The following RNF14 variants were observed in gnomAD, a reference collection of about 807,000 sequenced individuals.
RNF14 encodes the protein E3 ubiquitin-protein ligase RNF14.
In RNF14, 26 loss-of-function variants were observed where a neutral mutation model predicts 52.6. The observed-to-expected ratio is 0.49, with a 90% CI of 0.36 to 0.69. The LOEUF is 0.69. Among genes scored for constraint, RNF14 ranks in the 30% least tolerant of loss-of-function variants. The pLI is 0.00. For missense variants in RNF14, 404 were observed against 560.4 expected (o/e 0.72, Z 2.82); for synonymous variants, 194 against 202.0 (o/e 0.96, Z 0.34).
upstream of RNF14, chr5:141,955,070 G>A: frequency 2.5e-6 from 4 of 1,614,248 alleles, no homozygotes; most frequent in Non-Finnish European, 3.4e-6. The surrounding 1 kb of genome is among the most constrained non-coding windows in gnomAD (Gnocchi z 5.5). Context: ...ATCTGACGGG[G>A]CCCTGATTCT....
chr5:141,969,604 C>A (rs1036481239), intron 1 of RNF14: 4 of 152,288 alleles, frequency 2.6e-5, no homozygotes, highest in African/African-American at 9.6e-5. Context: ...TGGGGGTTAG[C>A]AACCTGAATT....
At chr5:141,961,569 T>C (rs1753275737) in intron 1 of RNF14, among the ~76,000 whole-genome samples, 1 of 151,858 alleles carries the variant, frequency 6.6e-6, no homozygotes, top group Non-Finnish European at 1.5e-5. Context: ...TTTGAAGGAG[T>C]GGAGGTACTC....
rs748557080 is a variant in RNF14 at position 141,978,530 on chromosome 5, C to T, written c.534C>T (p.Asp178=). The change falls in exon 5 of 9, where the codon GAC becomes GAT. Residue 178 remains aspartate, a synonymous_variant. Coordinates refer to ENST00000394520, the MANE Select transcript of RNF14 (RefSeq NM_004290.5). ...GAGGAGCTGCTGGATCTGATGTAGA[C>T]CAAGAGGAAATTGTGGATGAGAGAG... ...DFGGAAGSDV[D]QEEIVDERAV... The T allele has an allele frequency of 9.3e-6, 15 of 1,614,002 alleles. No individual in the cohort carries two copies. The highest frequency in any genetic ancestry group is 4.0e-5 in the African/African-American group (3 of 74,914).
chr5:141,955,751 G>A, upstream of RNF14: 1 of 1,614,022 alleles, frequency 6.2e-7, no homozygotes, highest in Non-Finnish European at 8.5e-7. This position sits in a 1 kb window ranked among gnomAD's most constrained non-coding sequence, Gnocchi z 5.5. Context: ...TCCCTCAGGT[G>A]GTCCACACTG....
chr5:141,957,394 C>T (rs777173373), upstream of RNF14: 46 of 1,613,620 alleles, frequency 2.9e-5, no homozygotes, highest in Middle Eastern at 1.7e-4. The surrounding 1 kb of genome is among the most constrained non-coding windows in gnomAD (Gnocchi z 4.3). Flanking sequence ...CAGGGGGATC[C>T]GGGTTCGCAG....
intron 4 of RNF14, among the ~76,000 whole-genome samples, chr5:141,976,778 T>C (rs376450540): frequency 4.2e-4 from 1 of 2,364 alleles, no homozygotes; most frequent in Non-Finnish European, 6.6e-4. Flanking sequence ...TTCTCTCTCT[T>C]TTTTTTTTTT....
intron 6 of RNF14, among the ~76,000 whole-genome samples, chr5:141,981,322 T>C (rs1255645482): frequency 6.6e-6 from 1 of 152,170 alleles, no homozygotes; most frequent in Non-Finnish European, 1.5e-5. Flanking sequence ...TTTCTAATAA[T>C]TGATTGTTAG....
intron 8 of RNF14, among the ~76,000 whole-genome samples, chr5:141,985,866 T>C (rs1237700571): frequency 1.3e-5 from 2 of 152,246 alleles, no homozygotes; most frequent in African/African-American, 2.4e-5. Context: ...CATTCACTTT[T>C]TGAAGAGTCC....
chr5:141,949,955 G>T, the RNF14 span, among the ~76,000 whole-genome samples: 1 of 152,200 alleles, frequency 6.6e-6, no homozygotes, highest in South Asian at 2.1e-4. Context: ...CACACAGGAG[G>T]AGTTTAGTAA....
At chr5:141,971,435 TGTTGCC>T (rs2126972845) in intron 2 of RNF14, among the ~76,000 whole-genome samples, 1 of 152,296 alleles carries the variant, frequency 6.6e-6, no homozygotes, top group East Asian at 1.9e-4. Context: ...GATCTTGCTA[TGTTGCC>T]AAGGCTGATC....
chr5:141,952,754 TCTC>T, the RNF14 span: 3 of 152,266 alleles, frequency 2.0e-5, no homozygotes, highest in Non-Finnish European at 4.4e-5. Flanking sequence ...CACGCCTTCT[TCTC>T]AGTGTTGTCA....
At chr5:141,964,783 T>C, upstream of RNF14, among the ~76,000 whole-genome samples, 1 of 11,408 alleles carries the variant, frequency 8.8e-5, no homozygotes, top group Non-Finnish European at 2.9e-4. Context: ...CCGGCTAATT[T>C]TTTTTTTTTT....
At chr5:141,955,240 G>T, upstream of RNF14, 1 of 1,614,256 alleles carries the variant, frequency 6.2e-7, no homozygotes, top group Non-Finnish European at 8.5e-7. This position sits in a 1 kb window ranked among gnomAD's most constrained non-coding sequence, Gnocchi z 5.5. Flanking sequence ...CTGGCCTGTG[G>T]CAGGCTGGGG....
At chr5:141,965,978 TA>T (rs545449787), upstream of RNF14, among the ~76,000 whole-genome samples, 919 of 126,802 alleles carry the variant, frequency 7.2e-3, 1 homozygote, top group South Asian at 0.014. Context: ...ACTTAAAAGT[TA>T]AAAAAAAAAA....
intron 8 of RNF14, among the ~76,000 whole-genome samples, chr5:141,985,797 C>T (rs954684379): frequency 2.0e-5 from 3 of 152,192 alleles, no homozygotes; most frequent in Non-Finnish European, 4.4e-5. Context: ...TCGTGAGCTG[C>T]CCGCCTCGGC....
upstream of RNF14, among the ~76,000 whole-genome samples, chr5:141,963,682 A>AT (rs984206571): frequency 6.6e-6 from 1 of 152,124 alleles, no homozygotes; most frequent in African/African-American, 2.4e-5. Flanking sequence ...TTACAAGGTC[A>AT]TTTTTTTGGC....
chr5:141,955,438 T>C, upstream of RNF14: 1 of 1,614,024 alleles, frequency 6.2e-7, no homozygotes, highest in Non-Finnish European at 8.5e-7. This position sits in a 1 kb window ranked among gnomAD's most constrained non-coding sequence, Gnocchi z 5.5. Flanking sequence ...CCAGCCTGCT[T>C]CCATCATCGC....
chr5:141,979,174 A>G (rs1754525996), intron 5 of RNF14, among the ~76,000 whole-genome samples: 1 of 152,208 alleles, frequency 6.6e-6, no homozygotes, highest in Non-Finnish European at 1.5e-5. Context: ...GTCTCTTAGA[A>G]TGATTAACCA....
At chr5:141,972,715 C>T (rs544838569) in intron 2 of RNF14, among the ~76,000 whole-genome samples, 72 of 152,156 alleles carry the variant, frequency 4.7e-4, no homozygotes, top group Admixed American at 1.2e-3. Flanking sequence ...CTCAACCTCC[C>T]GAGTAGCTGG....
Sources: gnomAD v4.1 joint callset for allele counts (sites outside exome capture counted in the v4.1 genomes callset) on GRCh38, gnomAD v4.1.1 for gene constraint, Gnocchi (gnomAD v3.1) non-coding constraint, MANE v1.5 for transcripts, NCBI Gene and HGNC (gene_info 2026-07-23, HGNC 2026-07-21) for gene names.